The following SOCS2 variants were observed in gnomAD, a reference collection of about 807,000 sequenced individuals.
SOCS2 encodes CIS-2.
Under a neutral mutation model 18.6 loss-of-function variants are expected in SOCS2, and 10 were observed. The ratio of observed to expected loss-of-function variants is 0.54; its 90% CI spans 0.33 to 0.91. The LOEUF is 0.91. Among genes scored for constraint, SOCS2 ranks in the 40% least tolerant of loss-of-function variants. The probability of loss-of-function intolerance (pLI) is 0.02; values close to 1 mark genes in which losing one functional copy is unlikely to be tolerated. For missense variants in SOCS2, 231 were observed against 247.2 expected (o/e 0.93, Z 0.44); for synonymous variants, 104 against 104.0 (o/e 1.00, Z 0.00).
the SOCS2 span, among the ~76,000 whole-genome samples, chr12:93,620,277 A>G: frequency 6.6e-6 from 1 of 152,330 alleles, no homozygotes; most frequent in East Asian, 1.9e-4. Flanking sequence ...CAATGTTTTG[A>G]TGGTAGTCTA....
chr12:93,577,966 A>T (rs915177903), downstream of SOCS2, among the ~76,000 whole-genome samples: 3 of 152,198 alleles, frequency 2.0e-5, no homozygotes, highest in Non-Finnish European at 4.4e-5. Context: ...GAGGATATTT[A>T]TTATTGTTGT....
At chr12:93,609,002 G>A in the SOCS2 span, among the ~76,000 whole-genome samples, 1 of 152,330 alleles carries the variant, frequency 6.6e-6, no homozygotes, top group South Asian at 2.1e-4. Flanking sequence ...GCTCATGCCT[G>A]TAATTCCAGC....
chr12:93,604,206 C>CAA, the SOCS2 span, among the ~76,000 whole-genome samples: 41 of 151,178 alleles, frequency 2.7e-4, no homozygotes, highest in South Asian at 2.1e-3. Flanking sequence ...CAAAACAAAA[C>CAA]AAAAAAAACA....
chr12:93,572,454 T>G (rs1954289460), upstream of SOCS2: 2 of 359,426 alleles, frequency 5.6e-6, no homozygotes, highest in Non-Finnish European at 1.1e-5. The surrounding 1 kb of genome is among the most constrained non-coding windows in gnomAD (Gnocchi z 5.0). Flanking sequence ...CTGTTCACCC[T>G]CCTCCTGACC....
chr12:93,601,473 A>G, the SOCS2 span, among the ~76,000 whole-genome samples: 1 of 151,708 alleles, frequency 6.6e-6, no homozygotes, highest in Non-Finnish European at 1.5e-5. Flanking sequence ...CATGTTGGCC[A>G]GGCTGTTGTA....
downstream of SOCS2, among the ~76,000 whole-genome samples, chr12:93,579,440 T>A (rs1384133987): frequency 6.6e-6 from 1 of 151,886 alleles, no homozygotes; most frequent in Non-Finnish European, 1.5e-5. Context: ...TGCCACACTT[T>A]TGTTATGGGC....
chr12:93,590,783 C>CAAAAAAAAAAAAAAA, the SOCS2 span, among the ~76,000 whole-genome samples: 9 of 38,950 alleles, frequency 2.3e-4, 2 homozygotes, highest in African/African-American at 7.1e-4. Flanking sequence ...GACTCCGCCT[C>CAAAAAAAAAAAAAAA]AAAAAAAAAA....
rs1954329862 is a variant in SOCS2 at position 93,573,311 on chromosome 12, G to A, written c.139+275G>A. ...GCTGGAAGATTTACTGTTTTCCGCA[G>A]CTGCTCAGGGTTAGGCTCCCGGGCT... On this transcript the variant is annotated intron_variant, in intron 1 of 1. Coordinates refer to ENST00000551556, the MANE Select transcript of SOCS2 (RefSeq NM_001270471.2). The A allele has an allele frequency of 5.3e-6, 3 of 567,148 alleles. No homozygotes were observed. The Admixed American group carries it at 1.0e-4, about 19-fold the overall frequency. The allele number at this position is 567,148 out of a possible 1,614,324, so 35.1% of individuals were successfully genotyped here. A position where few individuals can be genotyped will look rare whatever the true frequency, so the allele number is the denominator to read the frequency against.
chr12:93,577,093 A>G (rs1040236310), downstream of SOCS2, among the ~76,000 whole-genome samples: 6 of 152,264 alleles, frequency 3.9e-5, no homozygotes, highest in South Asian at 2.1e-4. Context: ...TTGCCTTTCT[A>G]TTGTCACTGT....
At chr12:93,615,694 C>T in the SOCS2 span, among the ~76,000 whole-genome samples, 1 of 152,226 alleles carries the variant, frequency 6.6e-6, no homozygotes, top group African/African-American at 2.4e-5. Flanking sequence ...CTCCTGGGTT[C>T]AAGCGATTCT....
At chr12:93,595,536 C>T in the SOCS2 span, among the ~76,000 whole-genome samples, 11 of 152,334 alleles carry the variant, frequency 7.2e-5, no homozygotes, top group Admixed American at 4.6e-4. Flanking sequence ...TGCTTTTCTT[C>T]GGCCAACTGA....
rs1459300612 is a variant in SOCS2 at position 93,576,353 on chromosome 12, C to G, written c.*1174C>G. The G allele has an allele frequency of 1.3e-5, 2 of 152,304 alleles. No individual in the cohort carries two copies. Among genetic ancestry groups the G allele is most frequent in the Non-Finnish European group, 2.9e-5 (2 of 68,038 alleles). The allele number at this position is 152,304 out of a possible 1,614,324, so 9.4% of individuals were successfully genotyped here. A position where few individuals can be genotyped will look rare whatever the true frequency, so the allele number is the denominator to read the frequency against. The stretch of plus-strand genomic sequence containing the variant: ...TGTAAAGTTATGGGCTGTACCTGCC[C>G]CCTTTGCAATTTGGAAAGCATGGTT... On this transcript the variant is annotated 3_prime_UTR_variant, in exon 2 of 2. Coordinates refer to ENST00000551556, the MANE Select transcript of SOCS2 (RefSeq NM_001270471.2).
the SOCS2 span, among the ~76,000 whole-genome samples, chr12:93,613,087 C>G: frequency 2.1e-3 from 314 of 152,276 alleles, 3 homozygotes; most frequent in African/African-American, 6.7e-3. Context: ...CTATCAGAGC[C>G]TGTGTGGAGC....
the SOCS2 span, among the ~76,000 whole-genome samples, chr12:93,614,427 TTCCCTTCCTTCCTTCC>T: frequency 3.8e-5 from 3 of 78,304 alleles, no homozygotes; most frequent in Admixed American, 1.3e-4. Flanking sequence ...CTTCCTTTCT[TTCCCTTCCTTCCTTCC>T]TTCCTTCCTT....
the SOCS2 span, among the ~76,000 whole-genome samples, chr12:93,589,188 T>A: frequency 6.6e-6 from 1 of 152,254 alleles, no homozygotes; most frequent in Non-Finnish European, 1.5e-5. Flanking sequence ...AGACTGCAGA[T>A]TCTGGGCAGG....
chr12:93,591,310 G>T, the SOCS2 span, among the ~76,000 whole-genome samples: 1 of 151,296 alleles, frequency 6.6e-6, no homozygotes, highest in Non-Finnish European at 1.5e-5. Context: ...GAAGCGACTT[G>T]ACCTTGATTT....
At chr12:93,607,460 C>T in the SOCS2 span, among the ~76,000 whole-genome samples, 1 of 152,204 alleles carries the variant, frequency 6.6e-6, no homozygotes, top group African/African-American at 2.4e-5. Context: ...TTTTCAAGGT[C>T]ATGCCAGATA....
the SOCS2 span, among the ~76,000 whole-genome samples, chr12:93,597,003 A>T: frequency 6.6e-6 from 1 of 152,210 alleles, no homozygotes; most frequent in African/African-American, 2.4e-5. Flanking sequence ...ATTTTTAAAA[A>T]TTTCAAAAGA....
At chr12:93,601,212 T>A in the SOCS2 span, among the ~76,000 whole-genome samples, 11 of 152,006 alleles carry the variant, frequency 7.2e-5, no homozygotes, top group African/African-American at 2.7e-4. Context: ...TTCTGAATTC[T>A]TACTAATTCT....
Sources: gnomAD v4.1 joint callset for allele counts (sites outside exome capture counted in the v4.1 genomes callset) on GRCh38, gnomAD v4.1.1 for gene constraint, Gnocchi (gnomAD v3.1) non-coding constraint, MANE v1.5 for transcripts, NCBI Gene and HGNC (gene_info 2026-07-23, HGNC 2026-07-21) for gene names.